The following KCNIP4 variants were observed in gnomAD, a reference collection of about 807,000 sequenced individuals.
KCNIP4 encodes the protein potassium voltage-gated channel interacting protein 4.
Under a neutral mutation model 34.0 loss-of-function variants are expected in KCNIP4, and 12 were observed. The ratio of observed to expected loss-of-function variants is 0.35; its 90% CI spans 0.23 to 0.57. KCNIP4 has a LOEUF of 0.57. KCNIP4 is among the 20% of genes least tolerant of loss of function. The pLI is 0.83. For synonymous variants in KCNIP4, 124 were observed against 102.2 expected (o/e 1.21, Z -1.29); for missense variants, 238 against 311.7 (o/e 0.76, Z 1.78).
chr4:21,508,763 A>T (rs1044949834), intron 1 of KCNIP4, among the ~76,000 whole-genome samples: 3 of 150,134 alleles, frequency 2.0e-5, no homozygotes, highest in African/African-American at 7.6e-5. Context: ...TAGCAAGGGG[A>T]TGAAAACTAT....
At chr4:21,278,352 C>T (rs1300971391) in intron 1 of KCNIP4, among the ~76,000 whole-genome samples, 1 of 152,076 alleles carries the variant, frequency 6.6e-6, no homozygotes, top group Non-Finnish European at 1.5e-5. Flanking sequence ...TCCCTCCTCC[C>T]ACCCTCCACC....
intron 1 of KCNIP4, among the ~76,000 whole-genome samples, chr4:21,797,202 C>A (rs973668143): frequency 1.3e-5 from 2 of 152,178 alleles, no homozygotes; most frequent in Admixed American, 1.3e-4. Context: ...GACTAAAGTG[C>A]AGTGGCGTGA....
At chr4:21,460,286 TA>T (rs562196188) in intron 1 of KCNIP4, among the ~76,000 whole-genome samples, 4 of 152,000 alleles carry the variant, frequency 2.6e-5, no homozygotes, top group Non-Finnish European at 4.4e-5. Flanking sequence ...CTCTCACCTT[TA>T]AATTTTACCC....
chr4:21,158,804 AAATAC>A (rs1753356103), intron 1 of KCNIP4, among the ~76,000 whole-genome samples: 1 of 152,128 alleles, frequency 6.6e-6, no homozygotes, highest in Non-Finnish European at 1.5e-5. Flanking sequence ...CAAAAAAAAG[AAATAC>A]AGTATTGAGC....
At chr4:21,666,072 C>T (rs1322031840) in intron 1 of KCNIP4, among the ~76,000 whole-genome samples, 1 of 152,172 alleles carries the variant, frequency 6.6e-6, no homozygotes, top group Non-Finnish European at 1.5e-5. Flanking sequence ...TCTGTTGCTC[C>T]TGCCTATAGA....
At chr4:21,363,755 C>T (rs924959116) in intron 1 of KCNIP4, among the ~76,000 whole-genome samples, 1 of 152,112 alleles carries the variant, frequency 6.6e-6, no homozygotes, top group African/African-American at 2.4e-5. Context: ...TTCCTGCCCT[C>T]ATTTTAGTGT....
At chr4:21,109,722 C>T (rs185692496) in intron 1 of KCNIP4, among the ~76,000 whole-genome samples, 1 of 152,318 alleles carries the variant, frequency 6.6e-6, no homozygotes, top group African/African-American at 2.4e-5. Flanking sequence ...TAGACCGGAG[C>T]TGTTCCTATT....
intron 1 of KCNIP4, among the ~76,000 whole-genome samples, chr4:21,249,852 A>G (rs1002807710): frequency 4.8e-4 from 73 of 152,174 alleles, no homozygotes; most frequent in Admixed American, 4.7e-3. Flanking sequence ...ATATTTATCT[A>G]TGAAAAAATT....
intron 1 of KCNIP4, among the ~76,000 whole-genome samples, chr4:21,907,099 A>G (rs1728047438): frequency 6.6e-6 from 1 of 152,112 alleles, no homozygotes; most frequent in African/African-American, 2.4e-5. Flanking sequence ...GTCCCCCACA[A>G]TTCACGTGCT....
intron 2 of KCNIP4, among the ~76,000 whole-genome samples, chr4:20,879,228 C>T (rs775710730): frequency 1.3e-5 from 2 of 152,138 alleles, no homozygotes; most frequent in Non-Finnish European, 2.9e-5. Context: ...TCATTTCTTA[C>T]TCTGGTTGAG....
intron 1 of KCNIP4, among the ~76,000 whole-genome samples, chr4:21,326,987 A>G (rs753693626): frequency 6.6e-6 from 1 of 151,850 alleles, no homozygotes; most frequent in Non-Finnish European, 1.5e-5. Flanking sequence ...TTTATATCTT[A>G]TTATTGTATT....
chr4:21,681,641 A>T (rs1312601568), intron 1 of KCNIP4, among the ~76,000 whole-genome samples: 1 of 152,196 alleles, frequency 6.6e-6, no homozygotes, highest in Non-Finnish European at 1.5e-5. Flanking sequence ...AGAGAGTTAG[A>T]GCCTGTATTA....
At chr4:21,792,260 A>G (rs1720343681) in intron 1 of KCNIP4, among the ~76,000 whole-genome samples, 1 of 152,154 alleles carries the variant, frequency 6.6e-6, no homozygotes, top group South Asian at 2.1e-4. Flanking sequence ...AGCTGAAGGA[A>G]TCAGCAAGGA....
chr4:21,103,275 A>G (rs1044400906), intron 1 of KCNIP4, among the ~76,000 whole-genome samples: 19 of 148,038 alleles, frequency 1.3e-4, no homozygotes, highest in African/African-American at 4.7e-4. Flanking sequence ...TAGGTTTTTC[A>G]TGATAATTAC....
intron 1 of KCNIP4, among the ~76,000 whole-genome samples, chr4:21,794,857 C>T (rs578059270): frequency 1.6e-4 from 25 of 152,036 alleles, no homozygotes; most frequent in East Asian, 5.8e-4. Context: ...CCAGCAGGGG[C>T]AACAGAGGGA....
intron 1 of KCNIP4, among the ~76,000 whole-genome samples, chr4:21,199,054 G>C (rs1756273327): frequency 6.6e-6 from 1 of 152,132 alleles, no homozygotes; most frequent in Non-Finnish European, 1.5e-5. Flanking sequence ...TCTTTGTGAG[G>C]AGTAAAAAAC....
rs528914744 is a variant in KCNIP4 at position 21,482,410 on chromosome 4, T to A, written c.61+466161A>T. On this transcript the variant is annotated intron_variant, in intron 1 of 8. Coordinates refer to ENST00000382152, the MANE Select transcript of KCNIP4 (RefSeq NM_025221.6). ...TGATGCAGTTTCTTCCTAGCCTTGATGGTCTTTACAATTTGGCATGTTTTT... is the reference window on the plus strand; with the variant it reads ...TGATGCAGTTTCTTCCTAGCCTTGAAGGTCTTTACAATTTGGCATGTTTTT... 3.9e-5 allele frequency among the ~76,000 whole-genome samples: 6 copies of A among 152,316 alleles called. No individual in the cohort carries two copies. In the South Asian group the frequency reaches 6.2e-4, roughly 16 times the overall value.
At chr4:21,234,561 C>CGTATATAATATATATTACATATAAT (rs1560199789) in intron 1 of KCNIP4, among the ~76,000 whole-genome samples, 13 of 126,226 alleles carry the variant, frequency 1.0e-4, no homozygotes, top group African/African-American at 3.9e-4. Flanking sequence ...TTACATATAA[C>CGTATATAATATATATTACATATAAT]GTATATAATA....
chr4:21,189,026 T>A (rs1240261243), intron 1 of KCNIP4, among the ~76,000 whole-genome samples: 1 of 152,222 alleles, frequency 6.6e-6, no homozygotes, highest in Non-Finnish European at 1.5e-5. Context: ...GGCAAAATTC[T>A]TAAGTTCCCT....
Sources: gnomAD v4.1 joint callset for allele counts (sites outside exome capture counted in the v4.1 genomes callset) on GRCh38, gnomAD v4.1.1 for gene constraint, MANE v1.5 for transcripts, NCBI Gene and HGNC (gene_info 2026-07-23, HGNC 2026-07-21) for gene names.